The following SORCS1 variants were observed in gnomAD, a reference collection of about 807,000 sequenced individuals.
SORCS1 encodes the protein sortilin related VPS10 domain containing receptor 1, also known as VPS10 domain-containing receptor SorCS1.
In SORCS1, 60 loss-of-function variants were observed where a neutral mutation model predicts 146.1. The observed-to-expected ratio is 0.41, with a 90% CI of 0.33 to 0.51. SORCS1 has a LOEUF of 0.51. SORCS1 is among the 20% of genes least tolerant of loss of function. The pLI, the probability that SORCS1 is intolerant of heterozygous loss-of-function variation, is 0.21. For missense variants in SORCS1, 1,352 were observed against 1,487.6 expected, an observed-to-expected ratio of 0.91 and a Z score of 1.50; for synonymous variants, 637 against 584.0, an observed-to-expected ratio of 1.09 and a Z score of -1.31.
At chr10:107,162,414 G>A (rs1427539846) in intron 1 of SORCS1, among the ~76,000 whole-genome samples, 1 of 152,186 alleles carries the variant, frequency 6.6e-6, no homozygotes, top group Non-Finnish European at 1.5e-5. Context: ...CAAATTAGAG[G>A]ATTAATTTTA....
At chr10:107,105,335 T>C (rs1270036864) in intron 1 of SORCS1, among the ~76,000 whole-genome samples, 3 of 152,176 alleles carry the variant, frequency 2.0e-5, no homozygotes, top group Non-Finnish European at 4.4e-5. Flanking sequence ...TAGGGTTCTC[T>C]ACAGGGACAG....
chr10:107,075,796 G>C (rs1403728503), intron 1 of SORCS1, among the ~76,000 whole-genome samples: 3 of 151,978 alleles, frequency 2.0e-5, no homozygotes, highest in African/African-American at 7.2e-5. Flanking sequence ...TACATGGTGG[G>C]TGTGTTCCCA....
chr10:107,135,790 C>T (rs1273555858), intron 1 of SORCS1, among the ~76,000 whole-genome samples: 1 of 152,152 alleles, frequency 6.6e-6, no homozygotes, highest in Non-Finnish European at 1.5e-5. Flanking sequence ...ACCCACAATA[C>T]CAGACAGCCA....
At chr10:106,871,309 A>G (rs1379274743) in intron 2 of SORCS1, among the ~76,000 whole-genome samples, 2 of 152,184 alleles carry the variant, frequency 1.3e-5, no homozygotes, top group African/African-American at 2.4e-5. Context: ...TCAAAGAGCT[A>G]AAAACAGAAC....
At chr10:107,141,205 C>T (rs1451936546) in intron 1 of SORCS1, among the ~76,000 whole-genome samples, 1 of 152,128 alleles carries the variant, frequency 6.6e-6, no homozygotes, top group Non-Finnish European at 1.5e-5. Flanking sequence ...CCCATGTGCA[C>T]TCAAGTAGAG....
chr10:106,860,842 T>A (rs1025076899), intron 2 of SORCS1, among the ~76,000 whole-genome samples: 1 of 152,180 alleles, frequency 6.6e-6, no homozygotes, highest in Non-Finnish European at 1.5e-5. Flanking sequence ...TAAATTCAAT[T>A]TTTTATTAGA....
In SORCS1 at chr10:106,652,422, T is replaced by G; in HGVS notation, c.2435A>C (p.Glu812Ala). ...CATGAGAGTGACGTTGTGTCCTTGT[T>G]CCGCTGTCAGCTTTCCATCAGCCGT... ...IVTADGKLTA[E>A]QGHNVTLMVQ... The change falls in exon 18 of 26, where the codon GAA (glutamate) becomes GCA (alanine). Residue 812 changes from glutamate to alanine, a missense_variant. Glu to Ala is a moderately radical substitution (Grantham distance 107). Transcript: ENST00000263054. The G allele has an allele frequency of 6.2e-7, 1 of 1,614,146 alleles. No individual in the cohort carries two copies. Among genetic ancestry groups the G allele is most frequent in the Non-Finnish European group, 8.5e-7 (1 of 1,179,986 alleles).
chr10:106,763,322 A>G (rs752667745), intron 4 of SORCS1, among the ~76,000 whole-genome samples: 4 of 152,086 alleles, frequency 2.6e-5, no homozygotes, highest in Non-Finnish European at 5.9e-5. Context: ...CTCTTGTTAA[A>G]TGTATCCCCT....
intron 1 of SORCS1, among the ~76,000 whole-genome samples, chr10:107,087,994 C>A (rs998589513): frequency 1.3e-5 from 2 of 152,220 alleles, no homozygotes; most frequent in African/African-American, 4.8e-5. Context: ...TCTCGGCTCA[C>A]GGCAAGCTCC....
rs59566512 is a variant in SORCS1 at position 106,679,914 on chromosome 10, T to C, written c.1561-180A>G. 6.2e-3 allele frequency among the ~76,000 whole-genome samples: 941 copies of C among 152,276 alleles called. 12 individuals carry two copies. Among genetic ancestry groups the C allele is most frequent in the African/African-American group, 0.021 (890 of 41,566 alleles). ...TCTTCCATCCCCCAAATATCTAGTG[T>C]CCACTAAGTGTAAAACAGCCTTCAA... is the stretch of plus-strand genomic sequence containing the variant. On this transcript the variant is annotated intron_variant, in intron 10 of 25. Transcript: ENST00000263054.
Position 106,841,063 on chromosome 10 carries a change from C to A in SORCS1, c.627-11390G>T, listed in dbSNP as rs1484299283. On this transcript the variant is annotated intron_variant, in intron 2 of 25. Coordinates refer to ENST00000263054, the MANE Select transcript of SORCS1 (RefSeq NM_052918.5). Reference sequence around the variant, plus strand: ...TAGAGACGGGGTTTCACCATGTTGGCCAAGATGGTCTAGATCTCCTGACCT... The same window carrying A: ...TAGAGACGGGGTTTCACCATGTTGGACAAGATGGTCTAGATCTCCTGACCT... Among the ~76,000 whole-genome samples the A allele has an allele frequency of 2.7e-5, 4 of 149,140 alleles. No individual in the cohort carries two copies. In the East Asian group the frequency reaches 8.6e-4, roughly 32 times the overall value.
chr10:106,997,983 C>G (rs1957070067), intron 1 of SORCS1, among the ~76,000 whole-genome samples: 1 of 152,182 alleles, frequency 6.6e-6, no homozygotes, highest in Non-Finnish European at 1.5e-5. Flanking sequence ...CCAGATTCAG[C>G]AGATTTGTTC....
chr10:106,620,359 T>C, intron 20 of SORCS1, 69 bp downstream of exon 20: 2 of 1,550,582 alleles, frequency 1.3e-6, no homozygotes, highest in Non-Finnish European at 1.7e-6. Context: ...GCCATTTCAT[T>C]CCCTCCTTTG....
chr10:106,672,311 T>TA (rs1382233021), intron 15 of SORCS1, among the ~76,000 whole-genome samples: 2 of 152,162 alleles, frequency 1.3e-5, no homozygotes, highest in African/African-American at 4.8e-5. Flanking sequence ...AGCATTTTGA[T>TA]ATAAGCTGGA....
At chr10:106,828,531 T>C (rs369239380) in intron 3 of SORCS1, among the ~76,000 whole-genome samples, 18 of 152,304 alleles carry the variant, frequency 1.2e-4, no homozygotes, top group African/African-American at 4.1e-4. Context: ...CCAAGGTCAC[T>C]AACAGTAGCT....
At chr10:107,063,889 T>G (rs1030715449) in intron 1 of SORCS1, among the ~76,000 whole-genome samples, 4 of 152,208 alleles carry the variant, frequency 2.6e-5, no homozygotes, top group Admixed American at 2.6e-4. Flanking sequence ...CTGGCTGCAT[T>G]GAAATCTGAG....
chr10:106,905,842 A>C (rs1332420681), intron 2 of SORCS1, among the ~76,000 whole-genome samples: 1 of 152,226 alleles, frequency 6.6e-6, no homozygotes, highest in Non-Finnish European at 1.5e-5. Context: ...CAAACATTGA[A>C]ACACTGAATT....
At chr10:106,612,812 C>A (rs1278670437) in intron 21 of SORCS1, among the ~76,000 whole-genome samples, 2 of 152,126 alleles carry the variant, frequency 1.3e-5, no homozygotes, top group African/African-American at 4.8e-5. Flanking sequence ...GTTCTAGGTT[C>A]TGCGCTCCTG....
chr10:106,649,577 T>G (rs1849708480), intron 18 of SORCS1, among the ~76,000 whole-genome samples: 1 of 152,242 alleles, frequency 6.6e-6, no homozygotes, highest in Admixed American at 6.5e-5. Flanking sequence ...AATAGCTCAG[T>G]GATTTTTCTT....
Sources: gnomAD v4.1 joint callset for allele counts (sites outside exome capture counted in the v4.1 genomes callset) on GRCh38, gnomAD v4.1.1 for gene constraint, MANE v1.5 for transcripts, NCBI Gene and HGNC (gene_info 2026-07-23, HGNC 2026-07-21) for gene names.